Variants in CLEC4M observed in about 807,000 individuals in gnomAD.
The protein encoded by CLEC4M is CD209 antigen-like protein 1.
Under a neutral mutation model 39.1 loss-of-function variants are expected in CLEC4M, and 25 were observed. The ratio of observed to expected loss-of-function variants is 0.64; its 90% confidence interval spans 0.47 to 0.89. The LOEUF is 0.89. CLEC4M is among the 40% of genes least tolerant of loss of function. The pLI, the probability that CLEC4M is intolerant of heterozygous loss-of-function variation, is 0.00. For synonymous variants in CLEC4M, 155 were observed against 177.4 expected (o/e 0.87, Z 1.00); for missense variants, 353 against 431.4 (o/e 0.82, Z 1.61).
In CLEC4M at chr19:7,768,957, A is replaced by G; in HGVS notation, c.1169A>G (p.Lys390Arg). Reference sequence around the variant, plus strand: ...GACGTTGACAATTACTGGATCTGCAAAAAGCCCGCAGCCTGCTTCAGAGAC... The same window carrying G: ...GACGTTGACAATTACTGGATCTGCAGAAAGCCCGCAGCCTGCTTCAGAGAC... ...RCDVDNYWIC[K>R]KPAACFRDE The change falls in exon 7 of 7, where the codon AAA becomes AGA. Residue 390 changes from lysine (K) to arginine (R), a missense_variant. Lys to Arg is a conservative substitution (Grantham distance 26). Transcript: ENST00000327325. The G allele has an allele frequency of 6.2e-7, 1 of 1,614,156 alleles. No homozygotes were observed. Among genetic ancestry groups the G allele is most frequent in the Non-Finnish European group, 8.5e-7 (1 of 1,179,994 alleles).
At chr19:7,767,163 G>A in intron 5 of CLEC4M, 1 of 439,162 alleles carries the variant, frequency 2.3e-6, no homozygotes, top group Non-Finnish European at 4.2e-6. Context: ...GTCACTCAGT[G>A]CAGAGCTGAA....
intron 5 of CLEC4M, chr19:7,767,105 C>T (rs911370455): frequency 4.1e-6 from 2 of 486,274 alleles, no homozygotes; most frequent in African/African-American, 1.9e-5. Context: ...TGCCAATTTC[C>T]CCAGTGTAAA....
intron 2 of CLEC4M, among the ~76,000 whole-genome samples, chr19:7,764,542 G>A (rs1349356031): frequency 6.6e-6 from 1 of 152,038 alleles, no homozygotes; most frequent in Admixed American, 6.5e-5. Context: ...AGGCTGGAAT[G>A]CAGTGGCGCC....
chr19:7,768,838 C>T lies in CLEC4M; in HGVS notation c.1050C>T (p.Ser350=). The T allele has an allele frequency of 5.0e-6, 8 of 1,613,716 alleles. No individual in the cohort carries two copies. Among genetic ancestry groups the T allele is most frequent in the Non-Finnish European group, 6.8e-6 (8 of 1,179,676 alleles). The stretch of plus-strand genomic sequence containing the variant: ...CTCACATTCTGCATGGGCTTTGCAG[C>T]TTCCAGCGGTACTGGAACAGTGGAG... ...QWVDGSPLSP[S]FQRYWNSGEP... Residue 350 remains serine (S), a splice_region_variant and synonymous_variant, in exon 7 of 7, where the codon AGC becomes AGT. Coordinates refer to ENST00000327325, the MANE Select transcript of CLEC4M (RefSeq NM_014257.5).
At position 7,767,565 on chromosome 19, in the gene CLEC4M, G is replaced by A. The variant is rs2146360517; in HGVS notation, c.986G>A (p.Gly329Glu). Residue 329 changes from glycine to glutamate, a missense_variant, in exon 6 of 7, where the codon GGA (glycine) becomes GAA (glutamate). Around this residue, in one of 4 missense-constraint regions of CLEC4M, gnomAD observed 196 missense variants for 211.7 expected, o/e 0.93. Transcript: ENST00000327325. ...TSRSNRFSWM[G>E]LSDLNQEGTW... ...AGGAGTAACCGCTTCTCCTGGATGG[G>A]ACTTTCAGACCTAAATCAGGAAGGC... is the stretch of plus-strand genomic sequence containing the variant. 4.3e-6 allele frequency: 7 copies of A among 1,614,180 alleles called. No individual in the cohort carries two copies. The highest frequency in any genetic ancestry group is 5.9e-6 in the Non-Finnish European group (7 of 1,180,026).
rs145015987 is a variant in CLEC4M, at chr19:7,766,932, G to C, written c.936+125G>C. On this transcript the variant is annotated intron_variant, in intron 5 of 6. Transcript: ENST00000327325. ...CTATTTGGAAAGATGGGAAGAGAAGGATATGAATGAAGGGGTCCCAGGTAC... is the reference window on the plus strand; with the variant it reads ...CTATTTGGAAAGATGGGAAGAGAAGCATATGAATGAAGGGGTCCCAGGTAC... 9.0e-5 allele frequency: 136 copies of C among 1,510,252 alleles called. 3 individuals are homozygous for C. The African/African-American group carries it at 1.6e-3, about 18-fold the overall frequency. 93.6% of individuals were successfully genotyped at this position (1,510,252 alleles called of 1,614,324 possible).
Position 7,766,823 on chromosome 19 carries a change from G to T in CLEC4M, c.936+16G>T. On this transcript the variant is annotated intron_variant, in intron 5 of 6. Transcript: ENST00000327325. Reference sequence around the variant, plus strand: ...TGAGGAGCAGGTACACGTGGTGGGGGTCCTCGTCCTGGCCTGGGGCATGGC... The same window carrying T: ...TGAGGAGCAGGTACACGTGGTGGGGTTCCTCGTCCTGGCCTGGGGCATGGC... The T allele has an allele frequency of 1.2e-6, 2 of 1,614,166 alleles. No individual in the cohort carries two copies. Among genetic ancestry groups the T allele is most frequent in the Non-Finnish European group, 1.7e-6 (2 of 1,180,004 alleles).
rs2034103197 is a variant in CLEC4M, at chr19:7,763,442, A to G, written c.96A>G (p.Gln32=). ...TCAGACTTTTTCCAAGAGACTTTCA[A>G]TTCCAGCAGATACATGGCCACAAGA... The part of the protein sequence containing the change: ...SGIRLFPRDF[Q]FQQIHGHKSS... Residue 32 remains glutamine, a synonymous_variant, in exon 2 of 7, where the codon CAA becomes CAG. Transcript: ENST00000327325. 1 of 1,613,946 alleles carries G rather than the reference A, an allele frequency of 6.2e-7. No homozygotes were observed. The highest frequency in any genetic ancestry group is 1.7e-5 in the Admixed American group (1 of 59,990).
rs974192095 is a variant in CLEC4M at position 7,767,441 on chromosome 19, C to A, written c.937-75C>A. 24 of 1,149,776 alleles carry A rather than the reference C, an allele frequency of 2.1e-5. No homozygotes were observed. In the Middle Eastern group the frequency reaches 9.9e-4, roughly 47 times the overall value. 71.2% of individuals were successfully genotyped at this position (1,149,776 alleles called of 1,614,324 possible). ...CAGGTTAACTTGAAAGCAGAACTTT[C>A]TGCCAAGAGACGGGGAGGTGGAACC... On this transcript the variant is annotated intron_variant, in intron 5 of 6. Coordinates refer to ENST00000327325, the MANE Select transcript of CLEC4M (RefSeq NM_014257.5).
chr19:7,768,580 A>G (rs2034383184), intron 6 of CLEC4M: 2 of 306,920 alleles, frequency 6.5e-6, no homozygotes, highest in East Asian at 1.1e-4. Context: ...TGTCTCAAAA[A>G]AAGAAAAAGA....
chr19:7,767,784 C>T lies in CLEC4M; in HGVS notation c.1049+156C>T, dbSNP rs552280715. The T allele has an allele frequency of 8.2e-6, 5 of 608,230 alleles. No individual in the cohort carries two copies. In the East Asian group the frequency reaches 1.4e-4, roughly 17 times the overall value. 37.7% of individuals were successfully genotyped at this position (608,230 alleles called of 1,614,324 possible). On this transcript the variant is annotated intron_variant, in intron 6 of 6. Transcript: ENST00000327325. ...TTGAGGAAGGTGGTCTTCATACCCA[C>T]CTCCAGACAGGATGAAAGGTGCCAA... is the stretch of plus-strand genomic sequence containing the variant.
In CLEC4M at chr19:7,766,811, C is replaced by T; in HGVS notation, c.936+4C>T. 1 of 1,614,222 alleles carries T rather than the reference C, an allele frequency of 6.2e-7. No homozygotes were observed. Among genetic ancestry groups the T allele is most frequent in the Non-Finnish European group, 8.5e-7 (1 of 1,180,036 alleles). ...AATCAAAACTGCTGAGGAGCAGGTA[C>T]ACGTGGTGGGGGTCCTCGTCCTGGC... On this transcript the variant is annotated splice_donor_region_variant and intron_variant, in intron 5 of 6. Coordinates refer to ENST00000327325, the MANE Select transcript of CLEC4M (RefSeq NM_014257.5).
At chr19:7,763,342 G>A in intron 1 of CLEC4M, 30 bp downstream of exon 1, 1 of 1,612,418 alleles carries the variant, frequency 6.2e-7, no homozygotes, top group Non-Finnish European at 8.5e-7. Context: ...CTGGGATCCT[G>A]GGTAAGGGGA....
intron 3 of CLEC4M, 176 bp from the exon 4 acceptor site, chr19:7,765,462 G>T: frequency 8.1e-7 from 1 of 1,232,406 alleles, no homozygotes; most frequent in Non-Finnish European, 1.1e-6. Context: ...AGGAGGGGAA[G>T]AACCTGGCTC....
chr19:7,765,438 G>A (rs1235371436), intron 3 of CLEC4M, 170 bp downstream of exon 3: 15 of 1,138,242 alleles, frequency 1.3e-5, no homozygotes, highest in Non-Finnish European at 1.5e-5. Flanking sequence ...GAGCAGGACA[G>A]GAGAGGGAGG....
chr19:7,765,718 G>A lies in CLEC4M; in HGVS notation c.295G>A (p.Ala99Thr). ...IYQNLTQLKA[A>T]VGELSEKSKL... is the part of the protein sequence containing the mutation. The stretch of plus-strand genomic sequence containing the variant: ...CCAGAACCTGACCCAGCTTAAAGCT[G>A]CAGTGGGTGAGCTCTCAGAGAAATC... The change falls in exon 4 of 7, where the codon GCA becomes ACA. Residue 99 changes from alanine (A) to threonine (T), a missense_variant. Ala to Thr is a moderately conservative substitution (Grantham distance 58, BLOSUM62 0). Transcript: ENST00000327325. 6.2e-7 allele frequency: 1 copy of A among 1,614,254 alleles called. No homozygotes were observed.
chr19:7,767,364 TGA>T, intron 5 of CLEC4M, 150 bp from the exon 6 acceptor site: 1 of 611,960 alleles, frequency 1.6e-6, no homozygotes, highest in Non-Finnish European at 2.9e-6. Flanking sequence ...GATACAGATG[TGA>T]GAGGGGCTCA....
rs538928503 is a variant in CLEC4M at position 7,764,194 on chromosome 19, C to A, written c.130+718C>A. ...GAGCCCCAAACAAAGAGTCAAGTTA[C>A]CTTTTAAGCATTTCATGGGGTAGGG... is the stretch of plus-strand genomic sequence containing the variant. On this transcript the variant is annotated intron_variant, in intron 2 of 6. Transcript: ENST00000327325. Among the ~76,000 whole-genome samples, 7 of 151,812 alleles carry A rather than the reference C, an allele frequency of 4.6e-5. No individual in the cohort carries two copies. In the East Asian group the frequency reaches 1.4e-3, roughly 29 times the overall value.
rs763982530 is a variant in CLEC4M at position 7,766,738 on chromosome 19, G to A, written c.867G>A (p.Trp289Ter). The A allele has an allele frequency of 3.1e-6, 5 of 1,614,182 alleles. No individual in the cohort carries two copies. The highest frequency in any genetic ancestry group is 4.2e-6 in the Non-Finnish European group (5 of 1,180,032). Residue 289 changes from tryptophan (W) to a stop codon, truncating the protein, a stop_gained, in exon 5 of 7, where the codon TGG (tryptophan) becomes TGA (stop). Coordinates refer to ENST00000327325, the MANE Select transcript of CLEC4M (RefSeq NM_014257.5). LOFTEE classifies it high-confidence loss of function. ...CYFMSNSQRN[W>*]HDSVTACQEV... ...TCATGTCTAACTCCCAGCGGAACTG[G>A]CACGACTCCGTCACCGCCTGCCAGG...
Sources: allele counts gnomAD v4.1 joint callset (sites outside exome capture counted in the v4.1 genomes callset), GRCh38; gene constraint gnomAD v4.1.1; regional missense constraint gnomAD v4.1.1; transcripts MANE v1.5; gene names NCBI Gene and HGNC (gene_info 2026-07-23, HGNC 2026-07-21).